Variants in PHF14 observed in about 807,000 individuals in gnomAD.
PHF14 encodes the protein PHD finger protein 14.
Under a neutral mutation model 117.9 loss-of-function variants are expected in PHF14, and 55 were observed. The observed-to-expected ratio is 0.47, with a 90% CI of 0.38 to 0.58. The LOEUF is 0.58. PHF14 is among the 20% of genes least tolerant of loss of function. The pLI is 0.00. For synonymous variants in PHF14, 409 were observed against 368.6 expected (o/e 1.11, Z -1.26); for missense variants, 978 against 1,122.2 (o/e 0.87, Z 1.84).
At chr7:11,083,231 A>G (rs1786222537) in intron 16 of PHF14, among the ~76,000 whole-genome samples, 1 of 152,186 alleles carries the variant, frequency 6.6e-6, no homozygotes, top group South Asian at 2.1e-4. Context: ...TCTGTGCAGA[A>G]GTAAATTTGC....
chr7:11,160,375 G>C (rs1405398485), intron 17 of PHF14, among the ~76,000 whole-genome samples: 1 of 152,142 alleles, frequency 6.6e-6, no homozygotes, highest in Non-Finnish European at 1.5e-5. Context: ...ACAAATGTGT[G>C]TGTCTTTTTG....
chr7:11,167,519 A>G (rs1018623251), intron 17 of PHF14, among the ~76,000 whole-genome samples: 1 of 152,180 alleles, frequency 6.6e-6, no homozygotes, highest in Non-Finnish European at 1.5e-5. Flanking sequence ...TTGGACTACA[A>G]CTATATACTA....
intron 17 of PHF14, among the ~76,000 whole-genome samples, chr7:11,125,703 T>C (rs1224745230): frequency 2.0e-5 from 3 of 152,084 alleles, no homozygotes; most frequent in African/African-American, 7.2e-5. Context: ...TTTTACAAGT[T>C]GTTTTATGTT....
rs918459169 is a variant in PHF14 at position 11,013,737 on chromosome 7, T to G, written c.1046-10T>G. The G allele has an allele frequency of 6.8e-7, 1 of 1,474,604 alleles. No homozygotes were observed. Among genetic ancestry groups the G allele is most frequent in the Non-Finnish European group, 9.2e-7 (1 of 1,085,506 alleles). The allele number at this position is 1,474,604 out of a possible 1,614,324, so 91.3% of individuals were successfully genotyped here. ...ACCCTATTTAATCATAGTGTTTTTG[T>G]TTTTTTTAGGTTGTTATGGAGTTGA... On this transcript the variant is annotated splice_polypyrimidine_tract_variant and intron_variant, in intron 4 of 17. Coordinates refer to ENST00000634607, the MANE Select transcript of PHF14 (RefSeq NM_001007157.2).
intron 4 of PHF14, among the ~76,000 whole-genome samples, chr7:10,994,697 C>T (rs1452014502): frequency 2.0e-5 from 3 of 151,942 alleles, no homozygotes; most frequent in Admixed American, 6.6e-5. Flanking sequence ...TTAAAGGCGG[C>T]GTGTCCGGAG....
At chr7:11,007,882 T>G (rs1456547912) in intron 4 of PHF14, among the ~76,000 whole-genome samples, 1 of 152,214 alleles carries the variant, frequency 6.6e-6, no homozygotes, top group Non-Finnish European at 1.5e-5. Flanking sequence ...GCTTATTGAA[T>G]TTATAATTGT....
Position 10,982,709 on chromosome 7 carries a change from C to G in PHF14, c.450C>G (p.Ala150=). The G allele has an allele frequency of 1.2e-6, 2 of 1,611,276 alleles. No individual in the cohort carries two copies. The highest frequency in any genetic ancestry group is 1.7e-6 in the Non-Finnish European group (2 of 1,178,564). Residue 150 remains alanine, a synonymous_variant, in exon 3 of 18, where the codon GCC becomes GCG. Coordinates refer to ENST00000634607, the MANE Select transcript of PHF14 (RefSeq NM_001007157.2). ...AGAATGTGGCTGCTTCTGCTGCTGCCACCACACCAGCCACAAGTCCTCCTG... is the reference window on the plus strand; with the variant it reads ...AGAATGTGGCTGCTTCTGCTGCTGCGACCACACCAGCCACAAGTCCTCCTG... The part of the protein sequence containing the change: ...VSENVAASAA[A]TTPATSPPAV...
At chr7:11,115,990 G>A (rs539832954) in intron 17 of PHF14, among the ~76,000 whole-genome samples, 2 of 152,118 alleles carry the variant, frequency 1.3e-5, no homozygotes, top group East Asian at 1.9e-4. Flanking sequence ...TATCTTAGGA[G>A]TTGTCTGCTA....
Position 11,041,609 on chromosome 7 carries a change from AAGT to A in PHF14, c.2180+836_2180+838del, listed in dbSNP as rs559858743. Reference sequence around the variant, plus strand: ...TTTTTTTGTTGGAGGCTCCCTCTACAAGTAATAGCAAATAACTTCCTTGAAGTG... The same window carrying A: ...TTTTTTTGTTGGAGGCTCCCTCTACAAATAGCAAATAACTTCCTTGAAGTG... On this transcript the variant is annotated intron_variant, in intron 12 of 17. Transcript: ENST00000634607. Among the ~76,000 whole-genome samples, 237 of 152,056 alleles carry A rather than the reference AAGT, an allele frequency of 1.6e-3. 1 individual carries two copies. The highest frequency in any genetic ancestry group is 2.2e-3 in the Non-Finnish European group (150 of 67,864).
At chr7:11,142,046 G>T (rs73286514) in intron 17 of PHF14, among the ~76,000 whole-genome samples, 3,372 of 152,104 alleles carry the variant, frequency 0.022, 119 homozygotes, top group African/African-American at 0.076. Flanking sequence ...TTAGATTGGG[G>T]TTTTTTAAAT....
In PHF14 at chr7:11,134,374, AAAC is replaced by A. The variant is rs1454069100; in HGVS notation, c.2772+22910_2772+22912del. On this transcript the variant is annotated intron_variant, in intron 17 of 17. Coordinates refer to ENST00000634607, the MANE Select transcript of PHF14 (RefSeq NM_001007157.2). The stretch of plus-strand genomic sequence containing the variant: ...ATTTAGAGAGATTTGCAAACTTTTT[AAAC>A]AAAAGATTCATTTTATATTGTTTGC... Among the ~76,000 whole-genome samples the A allele has an allele frequency of 6.6e-5, 10 of 152,184 alleles. No homozygotes were observed. In the South Asian group the frequency reaches 1.9e-3, roughly 28 times the overall value.
chr7:11,048,834 G>A (rs769464546), intron 13 of PHF14, among the ~76,000 whole-genome samples: 10 of 152,162 alleles, frequency 6.6e-5, no homozygotes, highest in Admixed American at 1.3e-4. Flanking sequence ...CGGTTGTCTT[G>A]AAATAGGAAT....
intron 2 of PHF14, among the ~76,000 whole-genome samples, chr7:10,979,679 A>G (rs917725878): frequency 9.2e-5 from 14 of 151,592 alleles, no homozygotes; most frequent in African/African-American, 3.4e-4. Context: ...TTACCCAGCT[A>G]TGGTTGTAAA....
intron 2 of PHF14, among the ~76,000 whole-genome samples, chr7:10,980,140 G>A (rs778820741): frequency 3.3e-5 from 5 of 152,068 alleles, no homozygotes; most frequent in Non-Finnish European, 7.4e-5. Context: ...CCAAGTAATA[G>A]CAAAGTTGGA....
At chr7:11,162,451 AT>A (rs889272334) in intron 17 of PHF14, among the ~76,000 whole-genome samples, 13 of 152,028 alleles carry the variant, frequency 8.6e-5, no homozygotes, top group Non-Finnish European at 1.8e-4. Flanking sequence ...GTTTATGGAA[AT>A]ATATAAATTT....
At chr7:11,145,900 T>C (rs1788538156) in intron 17 of PHF14, among the ~76,000 whole-genome samples, 1 of 152,122 alleles carries the variant, frequency 6.6e-6, no homozygotes, top group African/African-American at 2.4e-5. Flanking sequence ...GCAAGTAAAC[T>C]GAGGAAAATG....
intron 4 of PHF14, among the ~76,000 whole-genome samples, chr7:11,003,765 T>C (rs1782965904): frequency 6.6e-6 from 1 of 152,212 alleles, no homozygotes; most frequent in Admixed American, 6.5e-5. Context: ...AAGTGACATA[T>C]GAGTAGATAT....
intron 4 of PHF14, among the ~76,000 whole-genome samples, chr7:10,998,173 T>C (rs1782730886): frequency 6.6e-6 from 1 of 151,924 alleles, no homozygotes; most frequent in Non-Finnish European, 1.5e-5. Flanking sequence ...AGAGATTGAG[T>C]AGATAAGAGT....
chr7:11,004,060 C>T (rs534142024), intron 4 of PHF14, among the ~76,000 whole-genome samples: 2 of 151,912 alleles, frequency 1.3e-5, no homozygotes, highest in East Asian at 1.9e-4. Context: ...CCAGCCTGGG[C>T]AATGTGGTGA....
Sources: gnomAD v4.1 joint callset for allele counts (sites outside exome capture counted in the v4.1 genomes callset) on GRCh38, gnomAD v4.1.1 for gene constraint, MANE v1.5 for transcripts, NCBI Gene and HGNC (gene_info 2026-07-23, HGNC 2026-07-21) for gene names.